The following CTNNA3 variants were observed in gnomAD, a reference collection of about 807,000 sequenced individuals.
CTNNA3 encodes the protein catenin alpha-3.
A neutral mutation model predicts 95.7 loss-of-function variants in CTNNA3; 76 were observed. The ratio of observed to expected loss-of-function variants is 0.79; its 90% CI spans 0.66 to 0.96. The LOEUF (loss-of-function observed/expected upper bound fraction) is 0.96. CTNNA3 is among the 40% of genes least tolerant of loss of function. The pLI is 0.00. For synonymous variants in CTNNA3, 431 were observed against 374.4 expected (o/e 1.15, Z -1.74); for missense variants, 1,191 against 1,089.8 (o/e 1.09, Z -1.31).
chr10:66,702,829 G>A (rs1294498135), intron 9 of CTNNA3, among the ~76,000 whole-genome samples: 1 of 151,270 alleles, frequency 6.6e-6, no homozygotes, highest in Non-Finnish European at 1.5e-5. Context: ...TTCTTGTGCT[G>A]TTATAAATGT....
chr10:66,815,425 G>T (rs1842038164), intron 7 of CTNNA3, among the ~76,000 whole-genome samples: 1 of 152,152 alleles, frequency 6.6e-6, no homozygotes, highest in Non-Finnish European at 1.5e-5. Context: ...TGGGGCTAAA[G>T]TTCCCTCAAA....
At chr10:66,553,547 G>A (rs1842293636) in intron 10 of CTNNA3, among the ~76,000 whole-genome samples, 1 of 38,122 alleles carries the variant, frequency 2.6e-5, no homozygotes, top group Admixed American at 4.3e-4. Flanking sequence ...TTTTTTTTGA[G>A]GCGGAGTCTT....
At chr10:67,131,138 T>C (rs1488192029) in intron 7 of CTNNA3, among the ~76,000 whole-genome samples, 3 of 152,102 alleles carry the variant, frequency 2.0e-5, no homozygotes, top group Non-Finnish European at 4.4e-5. Context: ...CAGAATACAC[T>C]ATGCTCTCCC....
chr10:66,870,859 A>G (rs1208825420), intron 7 of CTNNA3, among the ~76,000 whole-genome samples: 1 of 152,156 alleles, frequency 6.6e-6, no homozygotes, highest in East Asian at 1.9e-4. Context: ...ATTCAACAAC[A>G]AAGTCAGAAG....
chr10:66,588,055 T>A (rs1375802874), intron 10 of CTNNA3, among the ~76,000 whole-genome samples: 1 of 152,158 alleles, frequency 6.6e-6, no homozygotes, highest in Non-Finnish European at 1.5e-5. Context: ...CCCTGTGAGG[T>A]AGGATCAGGA....
intron 9 of CTNNA3, among the ~76,000 whole-genome samples, chr10:66,688,999 T>C (rs1267764240): frequency 6.6e-6 from 1 of 151,438 alleles, no homozygotes; most frequent in Non-Finnish European, 1.5e-5. Context: ...ACCAAATGCC[T>C]ATTTTAATAC....
At chr10:66,322,661 G>A (rs1564866395) in intron 12 of CTNNA3, among the ~76,000 whole-genome samples, 3 of 152,100 alleles carry the variant, frequency 2.0e-5, no homozygotes, top group Admixed American at 1.3e-4. Flanking sequence ...CCTGGTTGGC[G>A]GGAGGGAGTT....
intron 13 of CTNNA3, among the ~76,000 whole-genome samples, chr10:66,150,380 G>A (rs2084135059): frequency 6.6e-6 from 1 of 152,104 alleles, no homozygotes. Context: ...TTTGGAAATT[G>A]CCCGTCTCGG....
At chr10:66,208,366 A>G (rs574823463) in intron 13 of CTNNA3, among the ~76,000 whole-genome samples, 1 of 152,166 alleles carries the variant, frequency 6.6e-6, no homozygotes, top group African/African-American at 2.4e-5. Context: ...TGATTTTAGC[A>G]TCATTTTAGC....
intron 17 of CTNNA3, among the ~76,000 whole-genome samples, chr10:65,954,268 T>C (rs1022961811): frequency 6.6e-6 from 1 of 152,250 alleles, no homozygotes. Context: ...TTAAGTTCTT[T>C]GTAGATTCTG....
chr10:67,061,411 G>A (rs1855749430), intron 7 of CTNNA3, among the ~76,000 whole-genome samples: 1 of 152,154 alleles, frequency 6.6e-6, no homozygotes, highest in African/African-American at 2.4e-5. Context: ...TGGTATCAGA[G>A]TTCCTTTATT....
chr10:67,074,403 T>C (rs550828084), intron 7 of CTNNA3, among the ~76,000 whole-genome samples: 1 of 131,978 alleles, frequency 7.6e-6, no homozygotes, highest in African/African-American at 3.0e-5. Context: ...CAGGCTGAAG[T>C]GCAGTGGCAC....
chr10:67,626,775 G>T (rs1209219989), intron 2 of CTNNA3, among the ~76,000 whole-genome samples: 1 of 147,008 alleles, frequency 6.8e-6, no homozygotes, highest in Non-Finnish European at 1.5e-5. Context: ...GTTGTATGTT[G>T]TGTCTACATG....
chr10:67,035,615 A>G (rs1362720566), intron 7 of CTNNA3, among the ~76,000 whole-genome samples: 1 of 152,182 alleles, frequency 6.6e-6, no homozygotes, highest in Admixed American at 6.5e-5. Context: ...AGAAGCAGAA[A>G]TATAAGGAAA....
chr10:67,410,134 A>T (rs1845309263), intron 5 of CTNNA3, among the ~76,000 whole-genome samples: 1 of 152,176 alleles, frequency 6.6e-6, no homozygotes, highest in South Asian at 2.1e-4. Context: ...AGACTGGATT[A>T]AAAAATGTGG....
chr10:67,112,075 G>A (rs1292877966), intron 7 of CTNNA3, among the ~76,000 whole-genome samples: 2 of 152,112 alleles, frequency 1.3e-5, no homozygotes, highest in Non-Finnish European at 2.9e-5. Flanking sequence ...ACGTTGAATA[G>A]ATGTTGTCGT....
intron 1 of CTNNA3, among the ~76,000 whole-genome samples, chr10:67,708,937 C>T (rs1841092319): frequency 6.6e-6 from 1 of 151,620 alleles, no homozygotes; most frequent in Non-Finnish European, 1.5e-5. Context: ...TAACTACAAA[C>T]TGACTATACT....
At chr10:66,473,036 A>G (rs904783787) in intron 11 of CTNNA3, among the ~76,000 whole-genome samples, 2 of 152,064 alleles carry the variant, frequency 1.3e-5, no homozygotes, top group African/African-American at 4.8e-5. Context: ...TATTTAATTA[A>G]CATACAAATT....
intron 11 of CTNNA3, among the ~76,000 whole-genome samples, chr10:66,380,738 G>A (rs999725792): frequency 6.0e-5 from 9 of 150,788 alleles, no homozygotes; most frequent in East Asian, 1.9e-4. Flanking sequence ...GATATGTTCC[G>A]GAATTACTGA....
Sources: gnomAD v4.1 joint callset for allele counts (sites outside exome capture counted in the v4.1 genomes callset) on GRCh38, gnomAD v4.1.1 for gene constraint, MANE v1.5 for transcripts, NCBI Gene and HGNC (gene_info 2026-07-23, HGNC 2026-07-21) for gene names.